Variants in SLC25A19 observed in about 807,000 individuals in gnomAD.
SLC25A19 encodes solute carrier family 25 member 19, also known as mitochondrial thiamine pyrophosphate carrier.
Under a neutral mutation model 27.9 loss-of-function variants are expected in SLC25A19, and 18 were observed. The ratio of observed to expected loss-of-function variants is 0.64; its 90% CI spans 0.45 to 0.96. The LOEUF is 0.96. Ranked by LOEUF, SLC25A19 falls within the 40% of genes least tolerant of loss-of-function variation. The pLI, the probability that SLC25A19 is intolerant of heterozygous loss-of-function variation, is 0.00. For missense variants in SLC25A19, 371 were observed against 418.3 expected, an observed-to-expected ratio of 0.89 and a Z score of 0.99; for synonymous variants, 169 against 167.1, an observed-to-expected ratio of 1.01 and a Z score of -0.09.
intron 5 of SLC25A19, among the ~76,000 whole-genome samples, chr17:75,279,118 A>G (rs1347968909): frequency 3.3e-5 from 5 of 151,912 alleles, no homozygotes; most frequent in Admixed American, 3.3e-4. Flanking sequence ...TTGGCCTCCC[A>G]AAGTGCTGGG....
At chr17:75,278,915 G>A (rs1245650926) in intron 5 of SLC25A19, among the ~76,000 whole-genome samples, 2 of 151,878 alleles carry the variant, frequency 1.3e-5, no homozygotes, top group South Asian at 2.1e-4. Flanking sequence ...CCTGGGAGGC[G>A]GAGGTTGCAG....
At chr17:75,280,207 C>CA (rs1180532878) in intron 5 of SLC25A19, among the ~76,000 whole-genome samples, 1 of 151,606 alleles carries the variant, frequency 6.6e-6, no homozygotes, top group Non-Finnish European at 1.5e-5. Context: ...TCCATCTCTA[C>CA]AAAAAATACA....
Position 75,278,167 on chromosome 17 carries a change from C to A in SLC25A19, c.628G>T (p.Glu210Ter). The change falls in exon 6 of 8, where the codon GAA becomes TAA. Residue 210 changes from glutamate to a stop codon, truncating the protein, a stop_gained. Coordinates refer to ENST00000416858, the MANE Select transcript of SLC25A19 (RefSeq NM_001126121.2). LOFTEE classifies it high-confidence loss of function. ...KHLYKWAIPA[E>*]GKKNENLQNL... The stretch of plus-strand genomic sequence containing the variant: ...GCTGCCTCACCATTTTTCTTTCCTT[C>A]GGCTGGTATGGCCCACTTGTACAGG... 1 of 1,613,694 alleles carries A rather than the reference C, an allele frequency of 6.2e-7. No individual in the cohort carries two copies. Among genetic ancestry groups the A allele is most frequent in the Non-Finnish European group, 8.5e-7 (1 of 1,180,008 alleles).
chr17:75,286,857 C>G, intron 2 of SLC25A19, 55 bp from the exon 3 acceptor site: 1 of 1,511,918 alleles, frequency 6.6e-7, no homozygotes, highest in Non-Finnish European at 9.1e-7. Flanking sequence ...GGTCTCTGCT[C>G]AAATATCACC....
At chr17:75,275,255 A>C (rs2077852739) in intron 7 of SLC25A19, among the ~76,000 whole-genome samples, 1 of 152,046 alleles carries the variant, frequency 6.6e-6, no homozygotes, top group Non-Finnish European at 1.5e-5. Context: ...GGCCTCCCAA[A>C]GTGCTGGGAT....
At chr17:75,285,499 C>T (rs961625346) in intron 4 of SLC25A19, among the ~76,000 whole-genome samples, 1 of 152,220 alleles carries the variant, frequency 6.6e-6, no homozygotes, top group Non-Finnish European at 1.5e-5. Context: ...GAGACAGGAT[C>T]GCAGGGCATG....
At chr17:75,285,500 G>A (rs780771975) in intron 4 of SLC25A19, among the ~76,000 whole-genome samples, 5 of 152,204 alleles carry the variant, frequency 3.3e-5, no homozygotes, top group Non-Finnish European at 5.9e-5. Context: ...AGACAGGATC[G>A]CAGGGCATGC....
intron 4 of SLC25A19, among the ~76,000 whole-genome samples, chr17:75,284,018 G>A (rs955041084): frequency 2.0e-5 from 3 of 151,990 alleles, no homozygotes; most frequent in Non-Finnish European, 4.4e-5. Flanking sequence ...GGGGGCTGAG[G>A]CAGGAGAATC....
intron 5 of SLC25A19, among the ~76,000 whole-genome samples, chr17:75,279,035 TA>T (rs1164448808): frequency 6.8e-6 from 1 of 148,038 alleles, no homozygotes; most frequent in Non-Finnish European, 1.5e-5. Context: ...ATAATAAAAA[TA>T]AAGTAGAGAG....
chr17:75,277,404 C>T lies in SLC25A19; in HGVS notation c.723G>A (p.Lys241=), dbSNP rs1425382133. The part of the protein sequence containing the change: ...KTLTYPLDLF[K]KRLQVGGFEH... Reference sequence around the variant, plus strand: ...CAAACCCTCCAACCTGTAGCCGCTTCTTGAAGAGGTCCAGCGGATATGTCA... The same window carrying T: ...CAAACCCTCCAACCTGTAGCCGCTTTTTGAAGAGGTCCAGCGGATATGTCA... The change falls in exon 7 of 8, where the codon AAG becomes AAA. Residue 241 remains lysine (K), a synonymous_variant. Transcript: ENST00000416858. The T allele has an allele frequency of 2.5e-6, 4 of 1,613,996 alleles. No individual in the cohort carries two copies. Among genetic ancestry groups the T allele is most frequent in the Non-Finnish European group, 8.5e-7 (1 of 1,180,032 alleles).
chr17:75,278,879 A>C (rs1163226901), intron 5 of SLC25A19, among the ~76,000 whole-genome samples: 1 of 149,314 alleles, frequency 6.7e-6, no homozygotes, highest in Non-Finnish European at 1.5e-5. Context: ...GCTTCTTGGG[A>C]GGCTGAGGCA....
rs545269195 is a variant in SLC25A19, at chr17:75,276,049, G to A, written c.774+1304C>T. Among the ~76,000 whole-genome samples the A allele has an allele frequency of 2.9e-3, 437 of 152,046 alleles. 4 individuals carry two copies. Among genetic ancestry groups the A allele is most frequent in the African/African-American group, 0.01 (427 of 41,464 alleles). On this transcript the variant is annotated intron_variant, in intron 7 of 7. Coordinates refer to ENST00000416858, the MANE Select transcript of SLC25A19 (RefSeq NM_001126121.2). ...AGCACTTTGGGAGGCCGAGGCAGGT[G>A]GATCACCTGAGGTCAGGAGTTCGAG... is the stretch of plus-strand genomic sequence containing the variant.
At chr17:75,285,326 G>C (rs1171377839) in intron 4 of SLC25A19, among the ~76,000 whole-genome samples, 2 of 152,118 alleles carry the variant, frequency 1.3e-5, no homozygotes, top group Admixed American at 1.3e-4. Context: ...CCAGGCTGAA[G>C]TGCAGTGGCA....
intron 5 of SLC25A19, among the ~76,000 whole-genome samples, chr17:75,280,238 C>A (rs2078005665): frequency 6.6e-6 from 1 of 151,856 alleles, no homozygotes; most frequent in African/African-American, 2.4e-5. Context: ...AGGTGTGGTA[C>A]CAAGTGCCTA....
chr17:75,288,725 G>A (rs1189155161), intron 1 of SLC25A19, 134 bp from the exon 2 acceptor site: 2 of 150,698 alleles, frequency 1.3e-5, no homozygotes, highest in Non-Finnish European at 3.0e-5. Context: ...TTGTAGTAGT[G>A]GGGGTGGGGG....
intron 7 of SLC25A19, among the ~76,000 whole-genome samples, chr17:75,274,153 G>A (rs1037081090): frequency 6.6e-6 from 1 of 152,134 alleles, no homozygotes; most frequent in Non-Finnish European, 1.5e-5. Flanking sequence ...GCTGGACAGC[G>A]CTCCTTCCTG....
intron 5 of SLC25A19, among the ~76,000 whole-genome samples, chr17:75,279,871 C>T (rs765812320): frequency 6.6e-6 from 1 of 152,084 alleles, no homozygotes; most frequent in East Asian, 1.9e-4. Flanking sequence ...TGCAATGGTG[C>T]AATCATGGCT....
At chr17:75,288,022 T>C (rs2078224323) in intron 2 of SLC25A19, 1 of 151,662 alleles carries the variant, frequency 6.6e-6, no homozygotes, top group South Asian at 2.1e-4. Context: ...TGGGCGCCTG[T>C]AATCCCAGTT....
chr17:75,279,697 CG>C (rs1567837831), intron 5 of SLC25A19, among the ~76,000 whole-genome samples: 1 of 151,756 alleles, frequency 6.6e-6, no homozygotes, highest in African/African-American at 2.4e-5. Flanking sequence ...TTAGTAGAGA[CG>C]GGGTTTCATC....
Sources: gnomAD v4.1 joint callset for allele counts (sites outside exome capture counted in the v4.1 genomes callset) on GRCh38, gnomAD v4.1.1 for gene constraint, MANE v1.5 for transcripts, NCBI Gene and HGNC (gene_info 2026-07-23, HGNC 2026-07-21) for gene names.